The following CTNND2 variants were observed in gnomAD, a reference collection of about 807,000 sequenced individuals.
CTNND2 encodes catenin delta 2.
Under a neutral mutation model 144.4 loss-of-function variants are expected in CTNND2, and 22 were observed. That is an observed-to-expected ratio of 0.15 (90% CI 0.11 to 0.22). The LOEUF is 0.22. CTNND2 is among the 10% of genes least tolerant of loss of function. The pLI is 1.00. For synonymous variants in CTNND2, 751 were observed against 695.6 expected (o/e 1.08, Z -1.25); for missense variants, 1,353 against 1,618.8 (o/e 0.84, Z 2.82).
At chr5:11,482,939 C>T (rs1768427312) in intron 3 of CTNND2, among the ~76,000 whole-genome samples, 1 of 151,930 alleles carries the variant, frequency 6.6e-6, no homozygotes, top group African/African-American at 2.4e-5. Context: ...AAGAAGACGG[C>T]ATGTGTGGAG....
chr5:11,206,265 T>A (rs1247508693), intron 10 of CTNND2, among the ~76,000 whole-genome samples: 1 of 152,206 alleles, frequency 6.6e-6, no homozygotes, highest in African/African-American at 2.4e-5. Context: ...TTTCTGAGAA[T>A]GAAGCAGGCT....
chr5:11,111,154 G>T, intron 13 of CTNND2, 111 bp from the exon 14 acceptor site: 2 of 1,174,578 alleles, frequency 1.7e-6, no homozygotes, highest in Non-Finnish European at 2.4e-6. Flanking sequence ...CTTTGGAAGT[G>T]TTTAGCTGCC....
At chr5:11,720,413 C>T (rs886707438) in intron 2 of CTNND2, among the ~76,000 whole-genome samples, 2 of 152,074 alleles carry the variant, frequency 1.3e-5, no homozygotes, top group African/African-American at 4.8e-5. Context: ...AAGACAGAGA[C>T]CTGCCTCTCC....
intron 18 of CTNND2, 27 bp from the exon 19 acceptor site, chr5:10,992,704 G>C (rs368799109): frequency 6.2e-7 from 1 of 1,611,462 alleles, no homozygotes; most frequent in African/African-American, 1.3e-5. Context: ...GCTCCTGTTA[G>C]ATGGGCAAGA....
intron 3 of CTNND2, among the ~76,000 whole-genome samples, chr5:11,464,846 T>C (rs1304917273): frequency 2.0e-5 from 3 of 152,182 alleles, no homozygotes; most frequent in African/African-American, 7.2e-5. Context: ...TAACTAAAAT[T>C]CTAGGAATAT....
At chr5:11,647,369 G>A (rs1259194828) in intron 2 of CTNND2, among the ~76,000 whole-genome samples, 1 of 152,044 alleles carries the variant, frequency 6.6e-6, no homozygotes, top group Admixed American at 6.6e-5. Context: ...CTGTTCAGGA[G>A]AATCCACGCT....
chr5:11,470,432 T>C (rs1767082877), intron 3 of CTNND2, among the ~76,000 whole-genome samples: 2 of 152,090 alleles, frequency 1.3e-5, no homozygotes, highest in Non-Finnish European at 2.9e-5. Context: ...AAACTCTGTC[T>C]TAAAAAAAAG....
chr5:11,208,970 G>A (rs565471397), intron 10 of CTNND2, among the ~76,000 whole-genome samples: 4 of 152,160 alleles, frequency 2.6e-5, no homozygotes, highest in Non-Finnish European at 4.4e-5. Flanking sequence ...TACCAGTGAC[G>A]TTGAGTCTTT....
chr5:11,328,211 C>A (rs1752730787), intron 9 of CTNND2, among the ~76,000 whole-genome samples: 1 of 151,890 alleles, frequency 6.6e-6, no homozygotes, highest in African/African-American at 2.4e-5. Context: ...CTACATCTTA[C>A]ACAAACCTTT....
At chr5:11,113,124 C>G (rs1439105828) in intron 13 of CTNND2, among the ~76,000 whole-genome samples, 1 of 151,940 alleles carries the variant, frequency 6.6e-6, no homozygotes, top group Admixed American at 6.6e-5. Flanking sequence ...CTGGGCAACA[C>G]AGTGAGACTC....
intron 5 of CTNND2, among the ~76,000 whole-genome samples, chr5:11,406,231 C>T (rs1212800414): frequency 2.0e-5 from 3 of 152,192 alleles, no homozygotes; most frequent in African/African-American, 7.2e-5. Flanking sequence ...GATAGCTCAA[C>T]TGACTCAGAC....
intron 10 of CTNND2, among the ~76,000 whole-genome samples, chr5:11,212,654 G>A (rs184574240): frequency 2.0e-5 from 3 of 152,354 alleles, no homozygotes; most frequent in East Asian, 1.9e-4. Flanking sequence ...ATGTAAGAGC[G>A]TGGCACGTTT....
Position 11,397,163 on chromosome 5 carries a change from G to A in CTNND2, c.480C>T (p.Ser160=). ...GATACTGGAAAGACCCTTCAGGTTT[G>A]GAATTGAGCTGAAGTGCACTCTGGG... ...LLSQSALQLN[S]KPEGSFQYPA... is the part of the protein sequence containing the mutation. The change falls in exon 6 of 22, where the codon TCC becomes TCT. Residue 160 remains serine, a synonymous_variant. Coordinates refer to ENST00000304623, the MANE Select transcript of CTNND2 (RefSeq NM_001332.4). The A allele has an allele frequency of 6.2e-7, 1 of 1,614,224 alleles. No homozygotes were observed. Among genetic ancestry groups the A allele is most frequent in the Non-Finnish European group, 8.5e-7 (1 of 1,180,030 alleles).
At position 11,479,424 on chromosome 5, in the gene CTNND2, T is replaced by C. The variant is rs374438353; in HGVS notation, c.288-67355A>G. ...TTGATGGGCATTTAGGTAGATAACA[T>C]GTCTTTGCTATTGTGAATAGTGCTG... On this transcript the variant is annotated intron_variant, in intron 3 of 21. Coordinates refer to ENST00000304623, the MANE Select transcript of CTNND2 (RefSeq NM_001332.4). 2.0e-5 allele frequency among the ~76,000 whole-genome samples: 3 copies of C among 152,206 alleles called. No homozygotes were observed. The East Asian group carries it at 5.8e-4, about 29-fold the overall frequency.
intron 9 of CTNND2, among the ~76,000 whole-genome samples, chr5:11,345,913 T>C (rs1185716080): frequency 6.6e-5 from 10 of 152,168 alleles, no homozygotes; most frequent in Middle Eastern, 3.2e-3. Context: ...CATAGAGAAA[T>C]GAAGGCCATG....
At chr5:11,467,621 AT>A (rs1766803125) in intron 3 of CTNND2, among the ~76,000 whole-genome samples, 1 of 152,208 alleles carries the variant, frequency 6.6e-6, no homozygotes, top group African/African-American at 2.4e-5. Context: ...ACAAATAAAT[AT>A]GCTTTTACTA....
intron 2 of CTNND2, among the ~76,000 whole-genome samples, chr5:11,683,299 TGAAA>T (rs1561690124): frequency 6.6e-6 from 1 of 152,210 alleles, no homozygotes; most frequent in Non-Finnish European, 1.5e-5. Flanking sequence ...AAAATTTCAC[TGAAA>T]GAATTTTAAG....
In CTNND2 at chr5:11,433,941, T is replaced by C. The variant is rs563433897; in HGVS notation, c.288-21872A>G. 2.6e-5 allele frequency among the ~76,000 whole-genome samples: 4 copies of C among 152,314 alleles called. No homozygotes were observed. In the East Asian group the frequency reaches 7.7e-4, roughly 29 times the overall value. On this transcript the variant is annotated intron_variant, in intron 3 of 21. Coordinates refer to ENST00000304623, the MANE Select transcript of CTNND2 (RefSeq NM_001332.4). ...TTTCTTTAATAACTAAACATATACA[T>C]ACCCAATGTGCCAGTGGTTTCAAAC...
At chr5:11,449,808 T>A (rs967099653) in intron 3 of CTNND2, among the ~76,000 whole-genome samples, 1 of 152,198 alleles carries the variant, frequency 6.6e-6, no homozygotes, top group African/African-American at 2.4e-5. Flanking sequence ...ATAGTTTCTA[T>A]CTCGTTGACT....
Sources: allele counts gnomAD v4.1 joint callset (sites outside exome capture counted in the v4.1 genomes callset), GRCh38; gene constraint gnomAD v4.1.1; transcripts MANE v1.5; gene names NCBI Gene and HGNC (gene_info 2026-07-23, HGNC 2026-07-21).